CYB5RL: variants seen among roughly 807,000 people sequenced by gnomAD.
The protein encoded by CYB5RL is NADH-cytochrome b5 reductase-like.
Under a neutral mutation model 37.5 loss-of-function variants are expected in CYB5RL, and 38 were observed. The observed-to-expected ratio is 1.01, with a 90% CI of 0.78 to 1.33. CYB5RL has a LOEUF of 1.33. CYB5RL is among the 40% of genes most tolerant of loss of function. CYB5RL has a pLI of 0.00. For synonymous variants in CYB5RL, 141 were observed against 151.9 expected (o/e 0.93, Z 0.53); for missense variants, 388 against 394.4 (o/e 0.98, Z 0.14).
At chr1:54,192,697 C>A (rs1408941465) in intron 3 of CYB5RL, among the ~76,000 whole-genome samples, 2 of 151,808 alleles carry the variant, frequency 1.3e-5, no homozygotes, top group African/African-American at 2.4e-5. Flanking sequence ...CAACATCATA[C>A]AATTAACTGG....
chr1:54,171,045 T>A lies in CYB5RL; in HGVS notation c.*3574A>T. On this transcript the variant is annotated 3_prime_UTR_variant, in exon 8 of 8. Coordinates refer to ENST00000534324, the MANE Select transcript of CYB5RL (RefSeq NM_001031672.4). The stretch of plus-strand genomic sequence containing the variant: ...GCCGGCCCTCATGCTCACATGCAGA[T>A]GACACTTATGGGTACAGCGACAGAA... The A allele has an allele frequency of 2.3e-6, 1 of 431,722 alleles. No homozygotes were observed. Among genetic ancestry groups the A allele is most frequent in the South Asian group, 1.7e-5 (1 of 60,466 alleles). 26.7% of individuals were successfully genotyped at this position (431,722 alleles called of 1,614,324 possible).
At chr1:54,190,501 A>C (rs1643940500) in intron 4 of CYB5RL, 1 of 605,768 alleles carries the variant, frequency 1.7e-6, no homozygotes. Flanking sequence ...AAATGATTTC[A>C]TGCCTATAAG....
intron 6 of CYB5RL, chr1:54,179,924 G>A (rs1475587275): frequency 1.1e-5 from 5 of 453,914 alleles, no homozygotes; most frequent in Non-Finnish European, 2.2e-5. Context: ...ATGTAGCACA[G>A]CACTGGCACA....
At chr1:54,187,799 G>C in intron 4 of CYB5RL, 60 bp from the exon 5 acceptor site, 1 of 1,457,254 alleles carries the variant, frequency 6.9e-7, no homozygotes, top group Non-Finnish European at 9.6e-7. Context: ...TTTAAGGCTG[G>C]GCACGGTGGC....
At chr1:54,177,535 A>C (rs1352921484) in intron 7 of CYB5RL, among the ~76,000 whole-genome samples, 2 of 152,092 alleles carry the variant, frequency 1.3e-5, no homozygotes, top group Admixed American at 1.3e-4. Flanking sequence ...GTGCTGCCTT[A>C]TTCTGAGGAG....
In CYB5RL at chr1:54,174,135, G is replaced by A. The variant is rs956268306; in HGVS notation, c.*484C>T. The A allele has an allele frequency of 1.6e-5, 3 of 182,484 alleles. No individual in the cohort carries two copies. The highest frequency in any genetic ancestry group is 7.0e-5 in the African/African-American group (3 of 42,950). The allele number at this position is 182,484 out of a possible 1,614,324, so 11.3% of individuals were successfully genotyped here. On this transcript the variant is annotated 3_prime_UTR_variant, in exon 8 of 8. Coordinates refer to ENST00000534324, the MANE Select transcript of CYB5RL (RefSeq NM_001031672.4). ...CATGTGTCAGGCTCATGGCACTGGA[G>A]GAAAGGCAGAATCCTCCTCCAAAGA...
rs7552121 is a variant in CYB5RL at position 54,171,016 on chromosome 1, A to G, written c.*3603T>C. ...AGCATCCTCCCCTGTTAGGGGTACA[A>G]TGGGCCGGCCCTCATGCTCACATGC... On this transcript the variant is annotated 3_prime_UTR_variant, in exon 8 of 8. Transcript: ENST00000534324. 52,348 of 401,926 alleles carry G rather than the reference A, an allele frequency of 0.13. 3,668 individuals are homozygous for G. The highest frequency in any genetic ancestry group is 0.25 in the East Asian group (3,432 of 13,740). The allele number at this position is 401,926 out of a possible 1,614,324, so 24.9% of individuals were successfully genotyped here. A position where few individuals can be genotyped will look rare whatever the true frequency, so the allele number is the denominator to read the frequency against.
intron 3 of CYB5RL, among the ~76,000 whole-genome samples, chr1:54,193,514 T>G (rs1395474641): frequency 6.6e-6 from 1 of 152,158 alleles, no homozygotes; most frequent in Non-Finnish European, 1.5e-5. Context: ...CTAGTCCCCA[T>G]CACCAACTTC....
At chr1:54,178,280 T>G (rs1277255042) in intron 7 of CYB5RL, among the ~76,000 whole-genome samples, 1 of 152,054 alleles carries the variant, frequency 6.6e-6, no homozygotes, top group African/African-American at 2.4e-5. Flanking sequence ...AGCTGCCTCA[T>G]AGCGGGACCA....
rs1313381474 is a variant in CYB5RL, at chr1:54,174,100, C to T, written c.*519G>A. 2 of 172,716 alleles carry T rather than the reference C, an allele frequency of 1.2e-5. No individual in the cohort carries two copies. The highest frequency in any genetic ancestry group is 4.7e-5 in the African/African-American group (2 of 42,288). 10.7% of individuals were successfully genotyped at this position (172,716 alleles called of 1,614,324 possible). On this transcript the variant is annotated 3_prime_UTR_variant, in exon 8 of 8. Coordinates refer to ENST00000534324, the MANE Select transcript of CYB5RL (RefSeq NM_001031672.4). ...TCAGGATGTGGTCAAGTCATAGAAC[C>T]CAAGACCTTCATGTGTCAGGCTCAT...
intron 3 of CYB5RL, among the ~76,000 whole-genome samples, chr1:54,193,431 T>C (rs1643974933): frequency 6.6e-6 from 1 of 152,084 alleles, no homozygotes; most frequent in Non-Finnish European, 1.5e-5. Flanking sequence ...CATGTGGAGA[T>C]GGAGGGCAGT....
chr1:54,190,869 T>C lies in CYB5RL; in HGVS notation c.226A>G (p.Thr76Ala). The C allele has an allele frequency of 6.2e-7, 1 of 1,611,768 alleles. No individual in the cohort carries two copies. The highest frequency in any genetic ancestry group is 8.5e-7 in the Non-Finnish European group (1 of 1,179,160). Residue 76 changes from threonine to alanine, a missense_variant, in exon 4 of 8, where the codon ACC becomes GCC. Thr to Ala is a moderately conservative substitution (Grantham distance 58). Transcript: ENST00000534324. ...GCAATGATGCAGAAGGCCACGAAGG[T>C]CTCTGGGTTCAGCTTGGAGGGGCAG... The part of the protein sequence containing the change: ...QSCPSKLNPE[T>A]FVAFCIIAMD...
At chr1:54,179,866 C>T (rs1660113357) in intron 6 of CYB5RL, 5 of 442,832 alleles carry the variant, frequency 1.1e-5, no homozygotes, top group South Asian at 8.2e-5. Context: ...CCACCTTGGA[C>T]CTCTGAGCTT....
intron 3 of CYB5RL, among the ~76,000 whole-genome samples, chr1:54,193,058 T>C (rs1232187156): frequency 6.6e-6 from 1 of 152,166 alleles, no homozygotes. Context: ...CCTGGCCAAG[T>C]AACCCTGTGA....
At chr1:54,184,989 G>A (rs1183056387) in intron 5 of CYB5RL, 1 of 152,218 alleles carries the variant, frequency 6.6e-6, no homozygotes, top group Admixed American at 6.5e-5. Flanking sequence ...TGTCCACTCT[G>A]TGCCAGGCAC....
In CYB5RL at chr1:54,195,609, G is replaced by C; in HGVS notation, c.8C>G (p.Ala3Gly). Residue 3 changes from alanine (A) to glycine (G), a missense_variant, in exon 3 of 8, where the codon GCT becomes GGT. Coordinates refer to ENST00000534324, the MANE Select transcript of CYB5RL (RefSeq NM_001031672.4). Reference protein sequence around the residue: MMAEREEDDDTEE... With the variant: MMGEREEDDDTEE... ...AGTGTCGTCGTCCTCTTCCCTCTCA[G>C]CCATCATCAGTGGGGCTTGGGCAGC... 1 of 1,608,452 alleles carries C rather than the reference G, an allele frequency of 6.2e-7. No individual in the cohort carries two copies. The highest frequency in any genetic ancestry group is 1.7e-4 in the Middle Eastern group (1 of 5,996).
chr1:54,176,696 T>C (rs1414367493), intron 7 of CYB5RL, among the ~76,000 whole-genome samples: 1 of 152,212 alleles, frequency 6.6e-6, no homozygotes, highest in African/African-American at 2.4e-5. Context: ...CCACTGCTCA[T>C]TTCCCTCAGA....
chr1:54,171,253 G>A lies in CYB5RL; in HGVS notation c.*3366C>T, dbSNP rs944191096. The A allele has an allele frequency of 1.3e-5, 6 of 456,100 alleles. No homozygotes were observed. The highest frequency in any genetic ancestry group is 8.0e-5 in the African/African-American group (4 of 50,024). 28.3% of individuals were successfully genotyped at this position (456,100 alleles called of 1,614,324 possible). A position where few individuals can be genotyped will look rare whatever the true frequency, so the allele number is the denominator to read the frequency against. On this transcript the variant is annotated 3_prime_UTR_variant, in exon 8 of 8. Coordinates refer to ENST00000534324, the MANE Select transcript of CYB5RL (RefSeq NM_001031672.4). Reference sequence around the variant, plus strand: ...CAGCGAGTGTAAGGGATGAGCTGACGCAAGAGAACATGTTTGGAGCCTGAG... The same window carrying A: ...CAGCGAGTGTAAGGGATGAGCTGACACAAGAGAACATGTTTGGAGCCTGAG...
At chr1:54,190,146 G>A (rs1643937571) in intron 4 of CYB5RL, among the ~76,000 whole-genome samples, 1 of 152,200 alleles carries the variant, frequency 6.6e-6, no homozygotes. Flanking sequence ...GGCAGGCAGG[G>A]GTGGGGACTG....
Sources: gnomAD v4.1 joint callset for allele counts (sites outside exome capture counted in the v4.1 genomes callset) on GRCh38, gnomAD v4.1.1 for gene constraint, MANE v1.5 for transcripts, NCBI Gene and HGNC (gene_info 2026-07-23, HGNC 2026-07-21) for gene names.